THADA: variants seen among roughly 807,000 people sequenced by gnomAD.
THADA encodes THADA armadillo repeat containing.
Under a neutral mutation model 219.8 loss-of-function variants are expected in THADA, and 213 were observed. The ratio of observed to expected loss-of-function variants is 0.97; its 90% confidence interval spans 0.87 to 1.09. The LOEUF (loss-of-function observed/expected upper bound fraction) is 1.09, where lower values mean the gene tolerates loss of function less well. THADA is among the 50% of genes least tolerant of loss of function. The pLI is 0.00. For synonymous variants in THADA, 1,018 were observed against 828.9 expected (o/e 1.23, Z -3.92); for missense variants, 2,956 against 2,311.3 (o/e 1.28, Z -5.72).
chr2:43,450,424 T>C (rs1682167493), intron 26 of THADA, among the ~76,000 whole-genome samples: 1 of 152,032 alleles, frequency 6.6e-6, no homozygotes, highest in Non-Finnish European at 1.5e-5. Flanking sequence ...GTGGTATAAA[T>C]TCAAATTAGA....
chr2:43,412,326 TC>T (rs958966295), intron 28 of THADA, among the ~76,000 whole-genome samples: 6 of 152,316 alleles, frequency 3.9e-5, no homozygotes, highest in Admixed American at 2.0e-4. Context: ...AAGTGCATAA[TC>T]TTCAACCCAA....
chr2:43,583,719 C>G (rs146883500), intron 7 of THADA, among the ~76,000 whole-genome samples: 2 of 151,992 alleles, frequency 1.3e-5, no homozygotes, highest in African/African-American at 4.8e-5. Flanking sequence ...GGATATTATT[C>G]GGCCACAAAA....
At chr2:43,321,414 C>T (rs72877370) in intron 30 of THADA, among the ~76,000 whole-genome samples, 157 of 152,280 alleles carry the variant, frequency 1.0e-3, no homozygotes, top group African/African-American at 3.6e-3. Context: ...ACTGCCCCTG[C>T]TAAAATTCAT....
In THADA at chr2:43,230,869, T is replaced by C; in HGVS notation, c.*79A>G. On this transcript the variant is annotated 3_prime_UTR_variant, in exon 38 of 38. Transcript: ENST00000405975. Reference sequence around the variant, plus strand: ...GCATGAATGGGATAAAATTTTTGAATTTATGTTCAACATGTTTCCTGCAGA... The same window carrying C: ...GCATGAATGGGATAAAATTTTTGAACTTATGTTCAACATGTTTCCTGCAGA... 6.7e-7 allele frequency: 1 copy of C among 1,485,520 alleles called. No homozygotes were observed. The highest frequency in any genetic ancestry group is 9.0e-7 in the Non-Finnish European group (1 of 1,112,088). 92.0% of individuals were successfully genotyped at this position (1,485,520 alleles called of 1,614,324 possible). A position where few individuals can be genotyped will look rare whatever the true frequency, so the allele number is the denominator to read the frequency against.
intron 36 of THADA, among the ~76,000 whole-genome samples, chr2:43,239,185 G>A (rs1668367717): frequency 6.6e-6 from 1 of 152,230 alleles, no homozygotes; most frequent in African/African-American, 2.4e-5. Flanking sequence ...TGGGACTGCA[G>A]AGGAGGGAAG....
rs565321563 is a variant in THADA at position 43,583,943 on chromosome 2, G to C, written c.534-2015C>G. Among the ~76,000 whole-genome samples, 140 of 151,314 alleles carry C rather than the reference G, an allele frequency of 9.3e-4. 1 individual carries two copies. The highest frequency in any genetic ancestry group is 3.3e-3 in the African/African-American group (137 of 41,218). ...TGGGCCCAGCTACTCCAGAGGCTGA[G>C]GTGGAAGGATCACTTGGGCTTGGGA... On this transcript the variant is annotated intron_variant, in intron 7 of 37. Coordinates refer to ENST00000405975, the MANE Select transcript of THADA (RefSeq NM_022065.5).
intron 35 of THADA, among the ~76,000 whole-genome samples, chr2:43,283,928 C>T (rs548606180): frequency 2.6e-5 from 4 of 152,184 alleles, no homozygotes; most frequent in Non-Finnish European, 5.9e-5. Context: ...CCTATAATCC[C>T]AGCACTTTGG....
chr2:43,527,548 T>C (rs1219354229), intron 22 of THADA, among the ~76,000 whole-genome samples: 1 of 152,194 alleles, frequency 6.6e-6, no homozygotes, highest in African/African-American at 2.4e-5. Context: ...GCCTGTTTTA[T>C]TCCAAACACC....
chr2:43,587,547 C>G (rs1574387248), intron 4 of THADA, among the ~76,000 whole-genome samples: 1 of 152,150 alleles, frequency 6.6e-6, no homozygotes, highest in South Asian at 2.1e-4. Context: ...ACTCTTCCTT[C>G]AAATATACCC....
At position 43,527,811 on chromosome 2, in the gene THADA, T is replaced by A. The variant is rs567665936; in HGVS notation, c.3374+68A>T. On this transcript the variant is annotated intron_variant, in intron 22 of 37. Coordinates refer to ENST00000405975, the MANE Select transcript of THADA (RefSeq NM_022065.5). ...TAAACTTCAAAAGACACAACTAAAT[T>A]CTACTCCAAGCATATGCTTTGTATA... 33 of 1,098,138 alleles carry A rather than the reference T, an allele frequency of 3.0e-5. No homozygotes were observed. In the East Asian group the frequency reaches 7.7e-4, roughly 26 times the overall value. 68.0% of individuals were successfully genotyped at this position (1,098,138 alleles called of 1,614,324 possible). A position where few individuals can be genotyped will look rare whatever the true frequency, so the allele number is the denominator to read the frequency against.
intron 8 of THADA, among the ~76,000 whole-genome samples, chr2:43,579,137 A>T (rs941638893): frequency 6.6e-6 from 1 of 152,108 alleles, no homozygotes; most frequent in Non-Finnish European, 1.5e-5. Flanking sequence ...GCTGAATATA[A>T]AGGCTTTTAA....
chr2:43,514,953 A>G (rs543722097), intron 22 of THADA, among the ~76,000 whole-genome samples: 88 of 76,100 alleles, frequency 1.2e-3, no homozygotes, highest in Non-Finnish European at 1.6e-3. Flanking sequence ...TATATATAAT[A>G]TATAATATTT....
At chr2:43,318,718 TGTTAA>T (rs1678366936) in intron 31 of THADA, among the ~76,000 whole-genome samples, 1 of 152,214 alleles carries the variant, frequency 6.6e-6, no homozygotes, top group Non-Finnish European at 1.5e-5. Flanking sequence ...AGTGAAATAC[TGTTAA>T]GTTATTAAAC....
intron 28 of THADA, among the ~76,000 whole-genome samples, chr2:43,400,237 A>G (rs1299381089): frequency 6.6e-6 from 1 of 152,086 alleles, no homozygotes; most frequent in Admixed American, 6.6e-5. Context: ...GAAAAGTGCC[A>G]GTATTTTCTG....
intron 28 of THADA, among the ~76,000 whole-genome samples, chr2:43,427,660 A>G (rs1678638941): frequency 6.7e-6 from 1 of 149,004 alleles, no homozygotes; most frequent in African/African-American, 2.4e-5. Context: ...ACATATATAA[A>G]AAAATATATA....
At chr2:43,231,385 T>C in intron 37 of THADA, 42 bp from the exon 38 acceptor site, 2 of 1,473,482 alleles carry the variant, frequency 1.4e-6, no homozygotes, top group Non-Finnish European at 1.8e-6. Flanking sequence ...TTACAGGGAA[T>C]GGTGACAAGC....
intron 26 of THADA, among the ~76,000 whole-genome samples, chr2:43,460,238 TAAAAAAAAAAAAAAAAAAA>T (rs10560565): frequency 1.9e-4 from 12 of 63,514 alleles, no homozygotes; most frequent in African/African-American, 7.1e-4. Flanking sequence ...TTTCTCTTAA[TAAAAAAAAAAAAAAAAAAA>T]AAAAAAAAAA....
chr2:43,330,918 A>T (rs540610092), intron 30 of THADA, among the ~76,000 whole-genome samples: 2 of 152,208 alleles, frequency 1.3e-5, no homozygotes, highest in Non-Finnish European at 2.9e-5. Context: ...TGAGACAGCC[A>T]TATCTTTCAA....
rs752668175 is a variant in THADA, at chr2:43,581,767, C to T, written c.695G>A (p.Ser232Asn). ...PIWQNMCGLL[S>N]IFTKVLSDDD... Reference sequence around the variant, plus strand: ...ATCGCTTAAAACCTTGGTAAAAATACTCAGCAATCCACACATATTTTGCCA... The same window carrying T: ...ATCGCTTAAAACCTTGGTAAAAATATTCAGCAATCCACACATATTTTGCCA... The change falls in exon 8 of 38, where the codon AGT becomes AAT. Residue 232 changes from serine (S) to asparagine (N), a missense_variant. Coordinates refer to ENST00000405975, the MANE Select transcript of THADA (RefSeq NM_022065.5). 6.2e-7 allele frequency: 1 copy of T among 1,611,058 alleles called. No homozygotes were observed. The highest frequency in any genetic ancestry group is 8.5e-7 in the Non-Finnish European group (1 of 1,179,326).
Sources: gnomAD v4.1 joint callset for allele counts (sites outside exome capture counted in the v4.1 genomes callset) on GRCh38, gnomAD v4.1.1 for gene constraint, MANE v1.5 for transcripts, NCBI Gene and HGNC (gene_info 2026-07-23, HGNC 2026-07-21) for gene names.